KCNN2: variants seen among roughly 807,000 people sequenced by gnomAD.
KCNN2 encodes the protein small conductance calcium-activated potassium channel protein 2.
A neutral mutation model predicts 55.5 loss-of-function variants in KCNN2; 24 were observed. That is an observed-to-expected ratio of 0.43 (90% CI 0.31 to 0.61). The LOEUF is 0.61. Ranked by LOEUF, KCNN2 falls within the 20% of genes least tolerant of loss-of-function variation. The pLI is 0.08. For synonymous variants in KCNN2, 431 were observed against 336.1 expected (o/e 1.28, Z -3.09); for missense variants, 754 against 853.6 (o/e 0.88, Z 1.45).
chr5:114,449,598 A>G (rs2150102242), intron 3 of KCNN2, among the ~76,000 whole-genome samples: 1 of 152,240 alleles, frequency 6.6e-6, no homozygotes, highest in South Asian at 2.1e-4. Flanking sequence ...GGTCATGCAG[A>G]ACAAGAGGTG....
intron 1 of KCNN2, among the ~76,000 whole-genome samples, chr5:114,118,125 A>G (rs1751746709): frequency 6.6e-6 from 1 of 152,198 alleles, no homozygotes; most frequent in Non-Finnish European, 1.5e-5. Flanking sequence ...AGCTGTACAA[A>G]GAAGGGTTAC....
At chr5:114,165,463 G>T (rs1009656627) in intron 1 of KCNN2, among the ~76,000 whole-genome samples, 3 of 152,110 alleles carry the variant, frequency 2.0e-5, no homozygotes, top group Non-Finnish European at 4.4e-5. Context: ...ACAATAAATT[G>T]GTTTATTACT....
chr5:114,113,924 A>G (rs149763894), intron 1 of KCNN2, among the ~76,000 whole-genome samples: 1 of 152,208 alleles, frequency 6.6e-6, no homozygotes, highest in East Asian at 1.9e-4. Flanking sequence ...CCTTCAGTTC[A>G]AAGTAATCCT....
intron 2 of KCNN2, among the ~76,000 whole-genome samples, chr5:114,247,785 C>T (rs1375571526): frequency 6.6e-6 from 1 of 151,890 alleles, no homozygotes; most frequent in Non-Finnish European, 1.5e-5. Flanking sequence ...CAGCAAGTAC[C>T]CAAAAGGGTA....
At chr5:114,292,315 A>G (rs1227380195) in intron 2 of KCNN2, among the ~76,000 whole-genome samples, 1 of 152,128 alleles carries the variant, frequency 6.6e-6, no homozygotes, top group Non-Finnish European at 1.5e-5. Context: ...TAGGGTTTTT[A>G]TGGGTTTAGG....
chr5:114,491,893 A>G (rs1747875791), intron 6 of KCNN2, among the ~76,000 whole-genome samples: 2 of 152,106 alleles, frequency 1.3e-5, no homozygotes, highest in African/African-American at 2.4e-5. Flanking sequence ...TGTTTTTCAA[A>G]GGCACACATC....
intron 1 of KCNN2, among the ~76,000 whole-genome samples, chr5:114,108,905 A>G (rs1440901977): frequency 6.6e-6 from 1 of 152,108 alleles, no homozygotes; most frequent in Non-Finnish European, 1.5e-5. Context: ...ATTGGGTCAT[A>G]AGATAGATGT....
intron 2 of KCNN2, among the ~76,000 whole-genome samples, 179 bp from the exon 3 acceptor site, chr5:114,404,259 A>G (rs546499691): frequency 1.3e-5 from 2 of 152,328 alleles, no homozygotes; most frequent in South Asian, 4.1e-4. Context: ...TTTAATTTGT[A>G]CAAAATGAAT....
intron 3 of KCNN2, among the ~76,000 whole-genome samples, chr5:114,447,679 A>G (rs550886248): frequency 1.1e-4 from 17 of 151,776 alleles, no homozygotes; most frequent in African/African-American, 3.4e-4. Flanking sequence ...ACCTATGGGG[A>G]AAAAAAAAGT....
chr5:114,239,820 G>T (rs1237268520), intron 2 of KCNN2, among the ~76,000 whole-genome samples: 3 of 152,128 alleles, frequency 2.0e-5, no homozygotes, highest in Non-Finnish European at 4.4e-5. Context: ...TGATGTCATA[G>T]GTGTTAAAGC....
At chr5:114,248,278 A>G (rs1166731117) in intron 2 of KCNN2, among the ~76,000 whole-genome samples, 3 of 57,158 alleles carry the variant, frequency 5.2e-5, no homozygotes, top group Non-Finnish European at 1.5e-4. Context: ...GAAATTCATC[A>G]TGTTTGGAAC....
At chr5:114,344,232 T>C (rs1347169172) in intron 2 of KCNN2, among the ~76,000 whole-genome samples, 1 of 152,170 alleles carries the variant, frequency 6.6e-6, no homozygotes, top group Non-Finnish European at 1.5e-5. Flanking sequence ...TCACCAAGAC[T>C]TCCCTCACTT....
In KCNN2 at chr5:114,404,506, C is replaced by T. The variant is rs1261256144; in HGVS notation, c.1287C>T (p.Ile429=). The change falls in exon 3 of 8, where the codon ATC becomes ATT. Residue 429 remains isoleucine (I), a synonymous_variant. Coordinates refer to ENST00000673685, the MANE Select transcript of KCNN2 (RefSeq NM_021614.4). ...IAMTYERIFF[I]CLEILVCAIH... is the part of the protein sequence containing the mutation. ...TGACTTATGAGCGTATTTTCTTCAT[C>T]TGCTTGGAAATACTGGTGTGTGCTA... is the stretch of plus-strand genomic sequence containing the variant. 6.2e-7 allele frequency: 1 copy of T among 1,613,362 alleles called. No individual in the cohort carries two copies. The highest frequency in any genetic ancestry group is 1.7e-5 in the Admixed American group (1 of 60,016).
At chr5:114,101,090 A>G (rs1046259894) in intron 1 of KCNN2, among the ~76,000 whole-genome samples, 4 of 151,980 alleles carry the variant, frequency 2.6e-5, no homozygotes, top group Non-Finnish European at 5.9e-5. Flanking sequence ...TGGATATTAA[A>G]GCTCTGTCCA....
At chr5:114,114,879 G>A (rs1751680275) in intron 1 of KCNN2, among the ~76,000 whole-genome samples, 1 of 152,074 alleles carries the variant, frequency 6.6e-6, no homozygotes. Flanking sequence ...CAGCAATACA[G>A]GATTAACAGC....
intron 2 of KCNN2, among the ~76,000 whole-genome samples, chr5:114,254,018 C>T (rs1754932519): frequency 6.6e-6 from 1 of 152,048 alleles, no homozygotes; most frequent in Admixed American, 6.6e-5. Context: ...TAAATATGCT[C>T]AGCAAGATAA....
At chr5:114,335,232 C>T (rs565314980) in intron 2 of KCNN2, among the ~76,000 whole-genome samples, 1 of 152,232 alleles carries the variant, frequency 6.6e-6, no homozygotes, top group East Asian at 1.9e-4. Context: ...CCCAATATGA[C>T]CACTGGGGAC....
intron 2 of KCNN2, among the ~76,000 whole-genome samples, chr5:114,290,523 AT>A (rs1369316120): frequency 6.6e-6 from 1 of 151,800 alleles, no homozygotes; most frequent in South Asian, 2.1e-4. Context: ...AATTTCATTG[AT>A]TTTTTTAAAG....
At chr5:114,140,752 C>G (rs1314998550) in intron 1 of KCNN2, among the ~76,000 whole-genome samples, 4 of 142,126 alleles carry the variant, frequency 2.8e-5, no homozygotes, top group African/African-American at 5.3e-5. Context: ...CAAAACATTA[C>G]TGTCATCCTC....
Sources: gnomAD v4.1 joint callset for allele counts (sites outside exome capture counted in the v4.1 genomes callset) on GRCh38, gnomAD v4.1.1 for gene constraint, MANE v1.5 for transcripts, NCBI Gene and HGNC (gene_info 2026-07-23, HGNC 2026-07-21) for gene names.